KCNH1: variants seen among roughly 807,000 people sequenced by gnomAD.
KCNH1 encodes the protein voltage-gated delayed rectifier potassium channel KCNH1.
KCNH1 carries 27 observed loss-of-function variants against 69.2 expected under a neutral mutation model. The observed-to-expected ratio is 0.39, with a 90% CI of 0.29 to 0.54. The LOEUF is 0.54. Ranked by LOEUF, KCNH1 falls within the 20% of genes least tolerant of loss-of-function variation. The pLI is 0.68. For missense variants in KCNH1, 798 were observed against 1,261.6 expected, an observed-to-expected ratio of 0.63 and a Z score of 5.57; for synonymous variants, 456 against 487.7, an observed-to-expected ratio of 0.93 and a Z score of 0.86.
intron 5 of KCNH1, among the ~76,000 whole-genome samples, chr1:211,050,323 G>A (rs190004993): frequency 8.5e-4 from 120 of 140,774 alleles, no homozygotes; most frequent in Admixed American, 6.7e-3. Context: ...CTGGGGTGGC[G>A]CTCTAGTCAC....
intron 2 of KCNH1, among the ~76,000 whole-genome samples, chr1:211,104,015 GGA>G (rs1334094442): frequency 1.3e-5 from 2 of 152,158 alleles, no homozygotes; most frequent in Non-Finnish European, 2.9e-5. Flanking sequence ...AGAGAAAGAA[GGA>G]GAAAAACATT....
chr1:210,878,036 A>C (rs1686417937), intron 7 of KCNH1, among the ~76,000 whole-genome samples: 1 of 152,210 alleles, frequency 6.6e-6, no homozygotes, highest in African/African-American at 2.4e-5. Context: ...TGAACTTATA[A>C]GTCTCCAGCT....
intron 6 of KCNH1, among the ~76,000 whole-genome samples, chr1:210,952,072 G>A (rs1176377502): frequency 6.6e-6 from 1 of 152,100 alleles, no homozygotes; most frequent in African/African-American, 2.4e-5. Context: ...CAGTCACCCA[G>A]ACAAGCTGCC....
intron 1 of KCNH1, among the ~76,000 whole-genome samples, chr1:211,115,700 C>CATATATATATATATATATATATATAT (rs1558611335): frequency 1.9e-5 from 1 of 53,934 alleles, no homozygotes; most frequent in Non-Finnish European, 4.0e-5. Flanking sequence ...AATAAACTCC[C>CATATATATATATATATATATATATAT]CTATATATAT....
At chr1:210,968,366 C>G (rs578171520) in intron 6 of KCNH1, among the ~76,000 whole-genome samples, 2 of 138,600 alleles carry the variant, frequency 1.4e-5, no homozygotes, top group African/African-American at 5.7e-5. Context: ...GATTTATAAT[C>G]CTTTGGGTAT....
At chr1:211,075,044 T>C (rs1043349687) in intron 5 of KCNH1, among the ~76,000 whole-genome samples, 4 of 152,298 alleles carry the variant, frequency 2.6e-5, no homozygotes, top group Admixed American at 6.5e-5. Flanking sequence ...CAGTTAAGCA[T>C]GGTGTGTACA....
chr1:210,991,709 T>C (rs943975602), intron 6 of KCNH1, among the ~76,000 whole-genome samples: 10 of 152,084 alleles, frequency 6.6e-5, no homozygotes, highest in Admixed American at 4.6e-4. Context: ...CATCCCACAA[T>C]GATCAAAATA....
intron 1 of KCNH1, among the ~76,000 whole-genome samples, chr1:211,130,346 G>T (rs959686067): frequency 6.6e-6 from 1 of 152,192 alleles, no homozygotes; most frequent in Non-Finnish European, 1.5e-5. Context: ...TTAAAAGTCG[G>T]TTTTAGTACC....
intron 7 of KCNH1, among the ~76,000 whole-genome samples, chr1:210,916,866 G>A (rs1247453793): frequency 6.6e-6 from 1 of 152,004 alleles, no homozygotes; most frequent in East Asian, 1.9e-4. Flanking sequence ...AAAAGAAATG[G>A]GCTGGGCGCA....
intron 7 of KCNH1, among the ~76,000 whole-genome samples, chr1:210,809,642 T>G (rs1257019399): frequency 6.6e-6 from 1 of 152,174 alleles, no homozygotes. Flanking sequence ...AAACCCTCAC[T>G]GTGCATCCTC....
At chr1:210,731,802 T>C (rs1020306756) in intron 10 of KCNH1, among the ~76,000 whole-genome samples, 1 of 152,148 alleles carries the variant, frequency 6.6e-6, no homozygotes, top group Non-Finnish European at 1.5e-5. Flanking sequence ...GAATAAACAC[T>C]GAGCAAGTGA....
intron 6 of KCNH1, among the ~76,000 whole-genome samples, chr1:210,952,342 T>A (rs907350989): frequency 1.3e-5 from 2 of 152,194 alleles, no homozygotes; most frequent in Admixed American, 1.3e-4. Context: ...TCCTTGATGA[T>A]GTAACTTCCT....
intron 7 of KCNH1, among the ~76,000 whole-genome samples, chr1:210,856,902 A>G (rs1685861420): frequency 1.5e-5 from 1 of 67,758 alleles, no homozygotes; most frequent in South Asian, 6.0e-4. Context: ...TATATATAAA[A>G]TACTCATGCC....
intron 7 of KCNH1, among the ~76,000 whole-genome samples, chr1:210,830,816 C>T (rs1558487720): frequency 6.6e-6 from 1 of 152,126 alleles, no homozygotes. Context: ...TGTCATTTTT[C>T]TCCTCTGGTA....
intron 10 of KCNH1, among the ~76,000 whole-genome samples, chr1:210,753,137 T>G (rs1258366531): frequency 6.6e-6 from 1 of 152,112 alleles, no homozygotes; most frequent in African/African-American, 2.4e-5. Flanking sequence ...GAGAATAAAT[T>G]TATGTTGTTT....
intron 7 of KCNH1, chr1:210,860,373 G>A: frequency 7.0e-7 from 1 of 1,420,758 alleles, no homozygotes; most frequent in Non-Finnish European, 9.9e-7. Context: ...TGACCTGTAA[G>A]CAGATTCCCT....
chr1:210,701,265 G>T (rs1411466999), intron 10 of KCNH1, among the ~76,000 whole-genome samples: 1 of 152,096 alleles, frequency 6.6e-6, no homozygotes, highest in Non-Finnish European at 1.5e-5. Context: ...GGAGACAGGG[G>T]TCTCTTTATT....
intron 6 of KCNH1, among the ~76,000 whole-genome samples, chr1:210,972,786 T>C (rs1299276710): frequency 3.3e-5 from 5 of 151,986 alleles, no homozygotes; most frequent in Non-Finnish European, 7.4e-5. Flanking sequence ...ATCTAGATGG[T>C]TCTTCAAGCA....
intron 3 of KCNH1, among the ~76,000 whole-genome samples, chr1:211,095,081 G>C (rs1382497330): frequency 2.0e-5 from 3 of 152,142 alleles, no homozygotes; most frequent in African/African-American, 7.2e-5. Context: ...GCCTACAAGG[G>C]TCTCTCCTAG....
Sources: gnomAD v4.1 joint callset for allele counts (sites outside exome capture counted in the v4.1 genomes callset) on GRCh38, gnomAD v4.1.1 for gene constraint, MANE v1.5 for transcripts, NCBI Gene and HGNC (gene_info 2026-07-23, HGNC 2026-07-21) for gene names.